Variants in RASIP1 observed in about 807,000 individuals in gnomAD.
RASIP1 encodes ras-interacting protein 1.
A neutral mutation model predicts 85.3 loss-of-function variants in RASIP1; 20 were observed. That is an observed-to-expected ratio of 0.23 (90% CI 0.17 to 0.34). RASIP1 has a LOEUF of 0.34. Among genes scored for constraint, RASIP1 ranks in the 10% least tolerant of loss-of-function variants. The pLI, the probability that RASIP1 is intolerant of heterozygous loss-of-function variation, is 1.00. For missense variants in RASIP1, 1,170 were observed against 1,390.9 expected (o/e 0.84, Z 2.53); for synonymous variants, 617 against 647.1 (o/e 0.95, Z 0.71).
At chr19:48,736,397 C>T (rs1015935384) in intron 3 of RASIP1, among the ~76,000 whole-genome samples, 3 of 151,912 alleles carry the variant, frequency 2.0e-5, no homozygotes, top group African/African-American at 4.8e-5. Flanking sequence ...AGCAAGACTC[C>T]GTCTCAAAAA....
intron 3 of RASIP1, chr19:48,737,416 C>G (rs1555764944): frequency 1.0e-6 from 1 of 973,752 alleles, no homozygotes; most frequent in Non-Finnish European, 1.2e-6. Flanking sequence ...CCCTGCCAGG[C>G]GCGGTCCACC....
At position 48,730,173 on chromosome 19, in the gene RASIP1, C is replaced by CT. The variant is rs564501421; in HGVS notation, c.1180-584dup. 2.9e-3 allele frequency among the ~76,000 whole-genome samples: 423 copies of CT among 148,034 alleles called. 8 individuals are homozygous for CT. Among genetic ancestry groups the CT allele is most frequent in the Middle Eastern group, 0.025 (7 of 280 alleles). ...ACCGGCTATGTACAAGGAGACCCCCCTTTTTTTCTTTGAGACAGAGTCACG... is the reference window on the plus strand; with the variant it reads ...ACCGGCTATGTACAAGGAGACCCCCCTTTTTTTTCTTTGAGACAGAGTCACG... On this transcript the variant is annotated intron_variant, in intron 4 of 11. Coordinates refer to ENST00000222145, the MANE Select transcript of RASIP1 (RefSeq NM_017805.3).
At position 48,740,036 on chromosome 19, in the gene RASIP1, C is replaced by G; in HGVS notation, c.137+110G>C. The G allele has an allele frequency of 7.2e-7, 1 of 1,390,672 alleles. No homozygotes were observed. The allele number at this position is 1,390,672 out of a possible 1,614,324, so 86.1% of individuals were successfully genotyped here. A position where few individuals can be genotyped will look rare whatever the true frequency, so the allele number is the denominator to read the frequency against. On this transcript the variant is annotated intron_variant, in intron 2 of 11. Transcript: ENST00000222145. This position sits in a 1 kb window ranked among gnomAD's most constrained non-coding sequence, Gnocchi z 5.5. ...TCCCCCTGCCCACCAGCTCGTTTGC[C>G]CAATTCAGGATGAGGACCGGAGCCA...
rs1344219570 is a variant in RASIP1 at position 48,725,166 on chromosome 19, C to T, written c.2128-206G>A. 5 of 585,196 alleles carry T rather than the reference C, an allele frequency of 8.5e-6. No homozygotes were observed. In the South Asian group the frequency reaches 1.1e-4, roughly 13 times the overall value. 36.3% of individuals were successfully genotyped at this position (585,196 alleles called of 1,614,324 possible). A position where few individuals can be genotyped will look rare whatever the true frequency, so the allele number is the denominator to read the frequency against. ...AGTTTCTCGAGTATTTTAAGATCACCTCTTGTGCATTGTGGGACTTGTAGT... is the reference window on the plus strand; with the variant it reads ...AGTTTCTCGAGTATTTTAAGATCACTTCTTGTGCATTGTGGGACTTGTAGT... On this transcript the variant is annotated intron_variant, in intron 8 of 11. Coordinates refer to ENST00000222145, the MANE Select transcript of RASIP1 (RefSeq NM_017805.3).
chr19:48,729,488 G>A lies in RASIP1; in HGVS notation c.1282C>T (p.Leu428Phe). 2 of 1,586,240 alleles carry A rather than the reference G, an allele frequency of 1.3e-6. No individual in the cohort carries two copies. Among genetic ancestry groups the A allele is most frequent in the Non-Finnish European group, 1.7e-6 (2 of 1,167,048 alleles). The change falls in exon 5 of 12, where the codon CTC becomes TTC. Residue 428 changes from leucine to phenylalanine, a missense_variant. By Grantham distance (22) the Leu-to-Phe change is conservative. This residue lies in a region of RASIP1 where 301 missense variants were observed against 294.8 expected (regional missense o/e 1.02). Transcript: ENST00000222145. Reference protein sequence around the residue: ...GSPAPYVDTFLNAPDILPRHC... With the variant: ...GSPAPYVDTFFNAPDILPRHC... ...CGCGGCAGGATGTCCGGGGCGTTGA[G>A]GAAGGTGTCCACATAGGGAGCCGGG...
intron 5 of RASIP1, among the ~76,000 whole-genome samples, chr19:48,728,646 C>A (rs910669779): frequency 1.3e-5 from 2 of 152,186 alleles, no homozygotes; most frequent in Non-Finnish European, 2.9e-5. Flanking sequence ...CGCCTGCAAT[C>A]CCAGCTACTC....
rs2033656751 is a variant in RASIP1 at position 48,740,566 on chromosome 19, T to G, written c.-50A>C. On this transcript the variant is annotated 5_prime_UTR_variant, in exon 1 of 12. Coordinates refer to ENST00000222145, the MANE Select transcript of RASIP1 (RefSeq NM_017805.3). The surrounding 1 kb of genome is among the most constrained non-coding windows in gnomAD (Gnocchi z 5.5). ...CCCGGAGGCCCTGGCTCCACTGGCC[T>G]GGGTCAGTTCCACTGCTCTTGCCTC... 2.1e-5 allele frequency: 29 copies of G among 1,388,250 alleles called. No individual in the cohort carries two copies. The highest frequency in any genetic ancestry group is 2.7e-5 in the Non-Finnish European group (29 of 1,075,872). 86.0% of individuals were successfully genotyped at this position (1,388,250 alleles called of 1,614,324 possible).
chr19:48,726,974 C>G, intron 7 of RASIP1, 33 bp downstream of exon 7: 1 of 1,612,854 alleles, frequency 6.2e-7, no homozygotes, highest in Non-Finnish European at 8.5e-7. Context: ...TGATGGGAGA[C>G]TTGGACAAGC....
At position 48,727,122 on chromosome 19, in the gene RASIP1, A is replaced by G. The variant is rs640794; in HGVS notation, c.1908T>C (p.Pro636=). The change falls in exon 7 of 12, where the codon CCT becomes CCC. Residue 636 remains proline (P), a synonymous_variant. Transcript: ENST00000222145. Reference sequence around the variant, plus strand: ...GCCGCAGCTCCACAGACACAGCTTCAGGAGTCAGGGGCACCTCGGGGACCC... The same window carrying G: ...GCCGCAGCTCCACAGACACAGCTTCGGGAGTCAGGGGCACCTCGGGGACCC... ...PEGVPEVPLT[P]EAVSVELRPL... The G allele has an allele frequency of 0.036, 58,292 of 1,614,068 alleles. 6,374 individuals carry two copies. In the African/African-American group the frequency reaches 0.39, roughly 11 times the overall value.
At chr19:48,728,898 G>A in intron 5 of RASIP1, 39 bp downstream of exon 5, 1 of 1,416,184 alleles carries the variant, frequency 7.1e-7, no homozygotes, top group Admixed American at 3.6e-5. Context: ...AGGGACTTGG[G>A]GCGCTGGTGG....
chr19:48,727,935 G>T (rs1270610368), intron 5 of RASIP1, among the ~76,000 whole-genome samples: 1 of 151,696 alleles, frequency 6.6e-6, no homozygotes, highest in Non-Finnish European at 1.5e-5. Context: ...TGATCTGCCC[G>T]CCTCGGCCTC....
chr19:48,730,422 A>G (rs1276560467), intron 4 of RASIP1, among the ~76,000 whole-genome samples: 1 of 151,618 alleles, frequency 6.6e-6, no homozygotes, highest in Non-Finnish European at 1.5e-5. Flanking sequence ...TTGGCCTCCT[A>G]AAGTGCTGGG....
chr19:48,729,552 C>A lies in RASIP1; in HGVS notation c.1218G>T (p.Val406=). Reference sequence around the variant, plus strand: ...CAGACGAGTTCCCACCTCGCCCAAACACGTGCTGCTCTCGCGTCATCACAT... The same window carrying A: ...CAGACGAGTTCCCACCTCGCCCAAAAACGTGCTGCTCTCGCGTCATCACAT... ...VVYVMTREQH[V]FGRGGNSSGR... is the part of the protein sequence containing the mutation. Residue 406 remains valine, a synonymous_variant, in exon 5 of 12, where the codon GTG becomes GTT. Transcript: ENST00000222145. 1 of 1,602,994 alleles carries A rather than the reference C, an allele frequency of 6.2e-7. No individual in the cohort carries two copies. Among genetic ancestry groups the A allele is most frequent in the African/African-American group, 1.3e-5 (1 of 74,762 alleles).
chr19:48,732,683 G>C (rs930497285), intron 4 of RASIP1, among the ~76,000 whole-genome samples: 2 of 152,104 alleles, frequency 1.3e-5, no homozygotes, highest in African/African-American at 4.8e-5. Flanking sequence ...CTCCAGCCTT[G>C]TCCAGAGGAA....
chr19:48,729,510 C>T lies in RASIP1; in HGVS notation c.1260G>A (p.Pro420=), dbSNP rs759962249. The change falls in exon 5 of 12, where the codon CCG becomes CCA. Residue 420 remains proline, a synonymous_variant. Coordinates refer to ENST00000222145, the MANE Select transcript of RASIP1 (RefSeq NM_017805.3). ...TGAGGAAGGTGTCCACATAGGGAGC[C>T]GGGGACCCCCCGCGGCCAGACGAGT... ...GGNSSGRGGS[P]APYVDTFLNA... The T allele has an allele frequency of 1.1e-5, 17 of 1,596,470 alleles. No individual in the cohort carries two copies. The highest frequency in any genetic ancestry group is 3.5e-5 in the Admixed American group (2 of 57,896).
chr19:48,739,998 G>A lies in RASIP1; in HGVS notation c.137+148C>T. The stretch of plus-strand genomic sequence containing the variant: ...ACTCCCACCGCGCCCTGGTATCACT[G>A]TGCCCCACCGTCTCCCCCTGCCCAC... On this transcript the variant is annotated intron_variant, in intron 2 of 11. Transcript: ENST00000222145. This position sits in a 1 kb window ranked among gnomAD's most constrained non-coding sequence, Gnocchi z 9.2. 9.0e-7 allele frequency: 1 copy of A among 1,114,408 alleles called. No homozygotes were observed. The highest frequency in any genetic ancestry group is 1.2e-6 in the Non-Finnish European group (1 of 815,448). 69.0% of individuals were successfully genotyped at this position (1,114,408 alleles called of 1,614,324 possible). A position where few individuals can be genotyped will look rare whatever the true frequency, so the allele number is the denominator to read the frequency against.
At chr19:48,730,317 C>A (rs537394907) in intron 4 of RASIP1, among the ~76,000 whole-genome samples, 1 of 152,158 alleles carries the variant, frequency 6.6e-6, no homozygotes, top group South Asian at 2.1e-4. Context: ...AGGCGCGCAC[C>A]ATCACGCCCA....
chr19:48,722,720 C>G (rs1198635664), intron 10 of RASIP1, among the ~76,000 whole-genome samples: 1 of 152,020 alleles, frequency 6.6e-6, no homozygotes, highest in Non-Finnish European at 1.5e-5. Flanking sequence ...TTCAAAAATC[C>G]CAGGTGGGTC....
At chr19:48,736,539 C>T (rs1473436585) in intron 3 of RASIP1, among the ~76,000 whole-genome samples, 1 of 152,222 alleles carries the variant, frequency 6.6e-6, no homozygotes. Flanking sequence ...CCTTCCCTGA[C>T]AGTCCAAGTT....
Sources: gnomAD v4.1 joint callset for allele counts (sites outside exome capture counted in the v4.1 genomes callset) on GRCh38, gnomAD v4.1.1 for gene constraint, gnomAD v4.1.1 regional missense constraint, Gnocchi (gnomAD v3.1) non-coding constraint, MANE v1.5 for transcripts, NCBI Gene and HGNC (gene_info 2026-07-23, HGNC 2026-07-21) for gene names.